Variants in EVC observed in about 807,000 individuals in gnomAD.
EVC encodes EvC ciliary complex subunit 1.
Under a neutral mutation model 118.9 loss-of-function variants are expected in EVC, and 116 were observed. The observed-to-expected ratio is 0.98, with a 90% CI of 0.84 to 1.14. EVC has a LOEUF of 1.14. EVC is among the 50% of genes most tolerant of loss of function. The pLI is 0.00. For synonymous variants in EVC, 619 were observed against 534.7 expected (o/e 1.16, Z -2.18); for missense variants, 1,401 against 1,246.4 (o/e 1.12, Z -1.87).
chr4:5,741,955 TA>T (rs1728657996), intron 6 of EVC, 141 bp downstream of exon 6: 2 of 478,678 alleles, frequency 4.2e-6, no homozygotes, highest in Admixed American at 7.7e-5. Context: ...TAGTGAAATA[TA>T]AAAGTATGTA....
intron 11 of EVC, among the ~76,000 whole-genome samples, chr4:5,783,334 G>C (rs1284142137): frequency 2.7e-5 from 4 of 148,268 alleles, no homozygotes; most frequent in Non-Finnish European, 6.1e-5. Flanking sequence ...GTGTGCATGT[G>C]GGGGAGTTAC....
chr4:5,772,955 C>G (rs1422782739), intron 11 of EVC, among the ~76,000 whole-genome samples: 3 of 152,254 alleles, frequency 2.0e-5, no homozygotes, highest in Middle Eastern at 3.4e-3. Flanking sequence ...CCAGACCTGT[C>G]TAACTTAGGA....
rs143366188 is a variant in EVC at position 5,798,087 on chromosome 4, C to T, written c.2098-499C>T. 6.6e-6 allele frequency among the ~76,000 whole-genome samples: 1 copy of T among 152,286 alleles called. No individual in the cohort carries two copies. Among genetic ancestry groups the T allele is most frequent in the Non-Finnish European group, 1.5e-5 (1 of 68,006 alleles). ...AGCTCCGAGGAGCAGGCAGGACTCACGGACCTCGCTACAGCCCCGCTCACT... is the reference window on the plus strand; with the variant it reads ...AGCTCCGAGGAGCAGGCAGGACTCATGGACCTCGCTACAGCCCCGCTCACT... On this transcript the variant is annotated intron_variant, in intron 14 of 20. Transcript: ENST00000264956. This position sits in a 1 kb window ranked among gnomAD's most constrained non-coding sequence, Gnocchi z 4.1.
At position 5,808,715 on chromosome 4, in the gene EVC, CTTTA is replaced by C. The variant is rs1560446450; in HGVS notation, c.2688+393_2688+396del. Among the ~76,000 whole-genome samples, 8 of 152,354 alleles carry C rather than the reference CTTTA, an allele frequency of 5.3e-5. No homozygotes were observed. The South Asian group carries it at 1.7e-3, about 32-fold the overall frequency. ...GTGTTGGCGATAGCTAAAGTTTACACTTTATTTACAGCAAACAGGAAGCTCAGCT... is the reference window on the plus strand; with the variant it reads ...GTGTTGGCGATAGCTAAAGTTTACACTTTACAGCAAACAGGAAGCTCAGCT... On this transcript the variant is annotated intron_variant, in intron 18 of 20. Transcript: ENST00000264956.
chr4:5,777,073 C>G (rs896329217), intron 11 of EVC, among the ~76,000 whole-genome samples: 1 of 151,934 alleles, frequency 6.6e-6, no homozygotes, highest in African/African-American at 2.4e-5. Context: ...CTTATCTCCT[C>G]ATGTGTCTGT....
intron 11 of EVC, chr4:5,758,435 A>G: frequency 3.7e-6 from 1 of 268,302 alleles, no homozygotes; most frequent in South Asian, 9.5e-5. Context: ...CATGAGATTC[A>G]TGAGGAAGAC....
the EVC span, chr4:5,824,714 T>C: frequency 1.0e-6 from 1 of 985,148 alleles, no homozygotes; most frequent in Non-Finnish European, 1.2e-6. Context: ...CTAAAGTATT[T>C]ACTATCCGGC....
At chr4:5,735,017 A>G (rs538450263) in intron 5 of EVC, among the ~76,000 whole-genome samples, 1 of 152,312 alleles carries the variant, frequency 6.6e-6, no homozygotes, top group Admixed American at 6.5e-5. Context: ...GCGAGTGTCC[A>G]CAGGGAGCAG....
At chr4:5,724,148 G>T (rs955437046) in intron 2 of EVC, among the ~76,000 whole-genome samples, 4 of 152,244 alleles carry the variant, frequency 2.6e-5, no homozygotes, top group Non-Finnish European at 5.9e-5. Context: ...ACAGATGTGT[G>T]ATAATTAAAT....
chr4:5,777,421 G>A (rs546499720), intron 11 of EVC, among the ~76,000 whole-genome samples: 16 of 152,116 alleles, frequency 1.1e-4, no homozygotes, highest in Non-Finnish European at 1.9e-4. Context: ...CTTGAACTTC[G>A]GTCCTCTGAC....
chr4:5,752,622 TC>T, intron 8 of EVC: 1 of 632,458 alleles, frequency 1.6e-6, no homozygotes, highest in Non-Finnish European at 2.8e-6. Flanking sequence ...TGCGTCAGCC[TC>T]CCCGCACCCT....
chr4:5,796,583 T>C (rs1714005664), intron 13 of EVC, among the ~76,000 whole-genome samples: 1 of 152,162 alleles, frequency 6.6e-6, no homozygotes, highest in Non-Finnish European at 1.5e-5. Flanking sequence ...GGCAGCTGAC[T>C]GTCAGACCTC....
intron 7 of EVC, among the ~76,000 whole-genome samples, chr4:5,745,802 C>G (rs370529959): frequency 2.0e-5 from 3 of 152,338 alleles, no homozygotes; most frequent in East Asian, 3.9e-4. Flanking sequence ...TTGGCACTTG[C>G]TCTTCACCAG....
At chr4:5,801,090 G>A (rs1049674878) in intron 15 of EVC, among the ~76,000 whole-genome samples, 2 of 152,104 alleles carry the variant, frequency 1.3e-5, no homozygotes, top group Non-Finnish European at 2.9e-5. Context: ...TTTCTACTTT[G>A]GTCTGAAGAT....
At chr4:5,825,802 C>CAT in the EVC span, 38,394 of 754,068 alleles carry the variant, frequency 0.051, 1,199 homozygotes, top group African/African-American at 0.062. This position sits in a 1 kb window ranked among gnomAD's most constrained non-coding sequence, Gnocchi z 4.4. Flanking sequence ...CACGCACACA[C>CAT]GACAGGTGCA....
chr4:5,816,747 C>G (rs552829135), downstream of EVC, among the ~76,000 whole-genome samples: 29 of 147,062 alleles, frequency 2.0e-4, no homozygotes, highest in Admixed American at 1.4e-3. Flanking sequence ...TCAGCTGCAT[C>G]GCAAATCTGT....
intron 11 of EVC, among the ~76,000 whole-genome samples, chr4:5,759,125 C>T (rs1185250022): frequency 6.6e-6 from 1 of 151,890 alleles, no homozygotes; most frequent in African/African-American, 2.4e-5. Flanking sequence ...CACACTTGTT[C>T]ATACGTCACA....
intron 11 of EVC, chr4:5,758,239 C>A: frequency 1.5e-6 from 1 of 650,292 alleles, no homozygotes; most frequent in Non-Finnish European, 2.7e-6. Flanking sequence ...GGGGGCGAGG[C>A]TCTGCCAACA....
chr4:5,824,818 C>G, the EVC span: 1 of 985,394 alleles, frequency 1.0e-6, no homozygotes, highest in Non-Finnish European at 1.2e-6. Flanking sequence ...AATTCCAGTT[C>G]AACTTTCTCA....
Sources: allele counts gnomAD v4.1 joint callset (sites outside exome capture counted in the v4.1 genomes callset), GRCh38; gene constraint gnomAD v4.1.1; non-coding constraint Gnocchi (gnomAD v3.1); transcripts MANE v1.5; gene names NCBI Gene and HGNC (gene_info 2026-07-23, HGNC 2026-07-21).